Variants in SORCS2 observed in about 807,000 individuals in gnomAD.
The protein encoded by SORCS2 is VPS10 domain-containing receptor SorCS2.
Under a neutral mutation model 141.6 loss-of-function variants are expected in SORCS2, and 100 were observed. That is an observed-to-expected ratio of 0.71 (90% confidence interval 0.60 to 0.83). The LOEUF (loss-of-function observed/expected upper bound fraction) is 0.83. SORCS2 is among the 40% of genes least tolerant of loss of function. The pLI is 0.00. For synonymous variants in SORCS2, 789 were observed against 676.9 expected (o/e 1.17, Z -2.57); for missense variants, 1,646 against 1,560.2 (o/e 1.05, Z -0.93).
intron 3 of SORCS2, among the ~76,000 whole-genome samples, chr4:7,584,541 C>T (rs558299952): frequency 1.4e-3 from 207 of 152,330 alleles, no homozygotes; most frequent in Middle Eastern, 3.4e-3. Flanking sequence ...TACCCAAGGT[C>T]GCACCATGAC....
At chr4:7,389,471 C>G (rs576157036) in intron 1 of SORCS2, among the ~76,000 whole-genome samples, 6 of 152,318 alleles carry the variant, frequency 3.9e-5, no homozygotes, top group Non-Finnish European at 8.8e-5. Flanking sequence ...GACGAGTACA[C>G]AGATGGGGCG....
chr4:7,608,789 T>C (rs968805435), intron 3 of SORCS2, among the ~76,000 whole-genome samples: 2 of 140,490 alleles, frequency 1.4e-5, no homozygotes, highest in Non-Finnish European at 3.3e-5. Flanking sequence ...CCTTCTGTTG[T>C]CTGTGGCTCA....
intron 5 of SORCS2, among the ~76,000 whole-genome samples, chr4:7,659,890 C>T (rs967117938): frequency 6.6e-6 from 1 of 152,170 alleles, no homozygotes; most frequent in African/African-American, 2.4e-5. Context: ...AGGAAACAAC[C>T]TGTGTGATGA....
At chr4:7,194,564 C>T (rs544591813) in intron 1 of SORCS2, among the ~76,000 whole-genome samples, 1 of 152,268 alleles carries the variant, frequency 6.6e-6, no homozygotes, top group East Asian at 1.9e-4. Flanking sequence ...TGACTAGCAG[C>T]CCTTGGAGGG....
chr4:7,580,108 G>A, intron 3 of SORCS2, among the ~76,000 whole-genome samples: 1 of 152,214 alleles, frequency 6.6e-6, no homozygotes, highest in East Asian at 1.9e-4. Context: ...CAGGCTTACT[G>A]CAAAACCTTT....
intron 1 of SORCS2, among the ~76,000 whole-genome samples, chr4:7,246,403 T>A (rs1713091258): frequency 6.6e-6 from 1 of 151,896 alleles, no homozygotes; most frequent in Non-Finnish European, 1.5e-5. Context: ...CACCCGGGGC[T>A]TAAATGAACC....
rs376784808 is a variant in SORCS2, at chr4:7,314,489, G to A, written c.481-81799G>A. ...CGAGTAGCTGGGACTACAGGCGCCC[G>A]CCACCACGCCCGGCTACATTTTTGT... On this transcript the variant is annotated intron_variant, in intron 1 of 26. Coordinates refer to ENST00000507866, the MANE Select transcript of SORCS2 (RefSeq NM_020777.3). 1.3e-3 allele frequency among the ~76,000 whole-genome samples: 191 copies of A among 152,008 alleles called. 6 individuals are homozygous for A. In the East Asian group the frequency reaches 0.029, roughly 23 times the overall value.
At chr4:7,464,808 A>G (rs960292767) in intron 2 of SORCS2, among the ~76,000 whole-genome samples, 14 of 152,228 alleles carry the variant, frequency 9.2e-5, no homozygotes, top group African/African-American at 2.7e-4. Context: ...TGTGCTGGGC[A>G]TCGGGATAGT....
At chr4:7,677,433 G>T (rs932412535) in intron 9 of SORCS2, among the ~76,000 whole-genome samples, 1 of 152,258 alleles carries the variant, frequency 6.6e-6, no homozygotes, top group Non-Finnish European at 1.5e-5. Context: ...ACCTGCCCAG[G>T]CAGACGCAGA....
At chr4:7,389,309 T>G (rs1375228148) in intron 1 of SORCS2, among the ~76,000 whole-genome samples, 1 of 152,060 alleles carries the variant, frequency 6.6e-6, no homozygotes, top group Non-Finnish European at 1.5e-5. Flanking sequence ...TTTGGCCAAA[T>G]CCTGTGTGAT....
Position 7,703,263 on chromosome 4 carries a change from AC to A in SORCS2, c.1669-15del, listed in dbSNP as rs759315030. On this transcript the variant is annotated splice_polypyrimidine_tract_variant and intron_variant, in intron 12 of 26. Transcript: ENST00000507866. ...CTTCTCAGGCCCTGCCCTCAGCCAC[AC>A]CACTCTCCTCTGCAGGTGTTTGAGG... 1 of 1,602,746 alleles carries A rather than the reference AC, an allele frequency of 6.2e-7. No homozygotes were observed. The highest frequency in any genetic ancestry group is 1.1e-5 in the South Asian group (1 of 88,714).
intron 2 of SORCS2, among the ~76,000 whole-genome samples, chr4:7,480,045 G>C (rs1329840966): frequency 2.0e-5 from 3 of 152,204 alleles, no homozygotes; most frequent in Non-Finnish European, 4.4e-5. Context: ...GGCTGAGCCT[G>C]AGCTGAGTCT....
intron 1 of SORCS2, among the ~76,000 whole-genome samples, chr4:7,288,221 C>T (rs141384109): frequency 2.6e-5 from 4 of 152,298 alleles, no homozygotes; most frequent in Non-Finnish European, 5.9e-5. Flanking sequence ...CCTGAAGGAG[C>T]AGGCCAGCTG....
chr4:7,512,889 C>T (rs933299672), intron 2 of SORCS2, among the ~76,000 whole-genome samples: 1 of 152,216 alleles, frequency 6.6e-6, no homozygotes, highest in East Asian at 1.9e-4. Context: ...CCTGCGGGCC[C>T]TGCCCCTCCA....
At chr4:7,542,183 G>A (rs570822201) in intron 3 of SORCS2, among the ~76,000 whole-genome samples, 13 of 152,266 alleles carry the variant, frequency 8.5e-5, no homozygotes, top group Admixed American at 3.9e-4. Flanking sequence ...TTCCTGCCCC[G>A]CCTGCCCTAT....
intron 1 of SORCS2, among the ~76,000 whole-genome samples, chr4:7,327,928 C>T (rs1410627664): frequency 4.7e-5 from 7 of 150,288 alleles, no homozygotes; most frequent in South Asian, 2.2e-4. Context: ...CCTGAGGTTG[C>T]GGACTCTACT....
chr4:7,575,633 T>A (rs2109727903), intron 3 of SORCS2, among the ~76,000 whole-genome samples: 1 of 152,338 alleles, frequency 6.6e-6, no homozygotes, highest in South Asian at 2.1e-4. Flanking sequence ...TAATTGAAAC[T>A]AGAATGGTAG....
At chr4:7,660,442 C>CT (rs1317737392) in intron 5 of SORCS2, among the ~76,000 whole-genome samples, 13 of 152,328 alleles carry the variant, frequency 8.5e-5, no homozygotes, top group South Asian at 8.3e-4. Context: ...ATCTATGGAA[C>CT]TCAGCCACTT....
intron 3 of SORCS2, among the ~76,000 whole-genome samples, chr4:7,620,032 TCCTTCCTCCTCCTCC>T (rs1373693252): frequency 6.7e-6 from 1 of 150,230 alleles, no homozygotes; most frequent in East Asian, 2.0e-4. Flanking sequence ...CTCCTCCTCC[TCCTTCCTCCTCCTCC>T]TCCTTCCTCT....
Sources: allele counts gnomAD v4.1 joint callset (sites outside exome capture counted in the v4.1 genomes callset), GRCh38; gene constraint gnomAD v4.1.1; transcripts MANE v1.5; gene names NCBI Gene and HGNC (gene_info 2026-07-23, HGNC 2026-07-21).